ABL1: variants seen among roughly 807,000 people sequenced by gnomAD.
The protein encoded by ABL1 is ABL proto-oncogene 1, non-receptor tyrosine kinase.
ABL1 carries 11 observed loss-of-function variants against 94.7 expected under a neutral mutation model. The observed-to-expected ratio is 0.12, with a 90% CI of 0.07 to 0.19. ABL1 has a LOEUF of 0.19. Among genes scored for constraint, ABL1 ranks in the 10% least tolerant of loss-of-function variants. The pLI, the probability that ABL1 is intolerant of heterozygous loss-of-function variation, is 1.00. For synonymous variants in ABL1, 656 were observed against 622.4 expected (o/e 1.05, Z -0.80); for missense variants, 1,082 against 1,489.4 (o/e 0.73, Z 4.50).
At chr9:130,851,226 C>G (rs1453913517) in intron 1 of ABL1, among the ~76,000 whole-genome samples, 1 of 152,038 alleles carries the variant, frequency 6.6e-6, no homozygotes, top group Admixed American at 6.6e-5. Flanking sequence ...ACTTTTAGAG[C>G]CAATGTAAAT....
chr9:130,768,271 A>T (rs932860213), intron 1 of ABL1, among the ~76,000 whole-genome samples: 11 of 152,304 alleles, frequency 7.2e-5, no homozygotes, highest in Admixed American at 2.0e-4. Context: ...TACATTTGTG[A>T]ATTTGTAAAA....
chr9:130,878,562 G>A lies in ABL1; in HGVS notation c.1418G>A (p.Arg473Gln), dbSNP rs62638716. The A allele has an allele frequency of 5.1e-4, 817 of 1,614,130 alleles. 3 individuals are homozygous for A. In the African/African-American group the frequency reaches 9.6e-3, roughly 19 times the overall value. ...CCAGAGAAGGTCTATGAACTCATGC[G>A]AGCATGTAAGCCTTCCTCAGCCTGT... Reference protein sequence around the residue: ...GCPEKVYELMRACWQWNPSDR... With the variant: ...GCPEKVYELMQACWQWNPSDR... The change falls in exon 8 of 11, where the codon CGA becomes CAA. Residue 473 changes from arginine to glutamine, a missense_variant. This residue lies in a region of ABL1 where 76 missense variants were observed against 177.1 expected (regional missense o/e 0.43). Coordinates refer to ENST00000318560, the MANE Select transcript of ABL1 (RefSeq NM_005157.6).
Position 130,885,605 on chromosome 9 carries a change from C to T in ABL1, c.3315C>T (p.Gly1105=). The T allele has an allele frequency of 6.2e-7, 1 of 1,613,580 alleles. No homozygotes were observed. The highest frequency in any genetic ancestry group is 8.5e-7 in the Non-Finnish European group (1 of 1,179,900). ...TTCAGATCTGCCCGGCGACAGCAGG[C>T]AGTGGTCCAGCGGCCACTCAGGACT... ...RELQICPATA[G]SGPAATQDFS... The change falls in exon 11 of 11, where the codon GGC becomes GGT. Residue 1105 remains glycine, a synonymous_variant. Transcript: ENST00000318560.
Position 130,885,068 on chromosome 9 carries a change from A to G in ABL1, c.2778A>G (p.Ala926=). The change falls in exon 11 of 11, where the codon GCA becomes GCG. Residue 926 remains alanine, a synonymous_variant. Transcript: ENST00000318560. ...QSPSQEAAGE[A]VLGAKTKATS... is the part of the protein sequence containing the mutation. ...CGAGCCAGGAGGCGGCCGGGGAGGC[A>G]GTCCTGGGCGCAAAGACAAAAGCCA... 1 of 1,609,536 alleles carries G rather than the reference A, an allele frequency of 6.2e-7. No individual in the cohort carries two copies. Among genetic ancestry groups the G allele is most frequent in the Non-Finnish European group, 8.5e-7 (1 of 1,177,934 alleles).
intron 1 of ABL1, among the ~76,000 whole-genome samples, chr9:130,752,282 AC>A (rs1831976069): frequency 6.6e-6 from 1 of 152,030 alleles, no homozygotes; most frequent in Non-Finnish European, 1.5e-5. Flanking sequence ...ATGTTATTTC[AC>A]TTCTGTAACC....
At chr9:130,770,636 T>TA (rs1402112596) in intron 1 of ABL1, among the ~76,000 whole-genome samples, 5 of 152,264 alleles carry the variant, frequency 3.3e-5, no homozygotes, top group African/African-American at 9.6e-5. Flanking sequence ...ATATAGTGCT[T>TA]ACTGTGTGCA....
rs537483584 is a variant in ABL1, at chr9:130,814,014, G to A, written c.137-40050G>A. On this transcript the variant is annotated intron_variant, in intron 1 of 10. Transcript: ENST00000372348. This position sits in a 1 kb window ranked among gnomAD's most constrained non-coding sequence, Gnocchi z 4.4. ...AAGAAAAAGCCAGTGTGGCCAGGCA[G>A]GGAGGCCCATGCCTGTAATCCCAGC... is the stretch of plus-strand genomic sequence containing the variant. 1.5e-4 allele frequency among the ~76,000 whole-genome samples: 23 copies of A among 152,206 alleles called. No homozygotes were observed. The Middle Eastern group carries it at 0.01, about 68-fold the overall frequency.
At chr9:130,777,488 C>G (rs909554669) in intron 1 of ABL1, among the ~76,000 whole-genome samples, 4 of 142,764 alleles carry the variant, frequency 2.8e-5, no homozygotes, top group Admixed American at 7.1e-5. Context: ...TTAGTACCTT[C>G]TAGACTATGA....
At chr9:130,795,460 G>A (rs975737768) in intron 1 of ABL1, among the ~76,000 whole-genome samples, 1 of 152,138 alleles carries the variant, frequency 6.6e-6, no homozygotes, top group Non-Finnish European at 1.5e-5. Context: ...ACTTCTGCTT[G>A]AAGTCATCAC....
chr9:130,727,527 C>CT (rs758783500), intron 1 of ABL1, among the ~76,000 whole-genome samples: 1 of 152,098 alleles, frequency 6.6e-6, no homozygotes, highest in African/African-American at 2.4e-5. Context: ...ATTTGGGAGG[C>CT]TGAGGTGGGT....
rs142718331 is a variant in ABL1, at chr9:130,761,750, A to G, written c.136+47295A>G. On this transcript the variant is annotated intron_variant, in intron 1 of 10. Coordinates refer to the ABL1 transcript ENST00000372348. The stretch of plus-strand genomic sequence containing the variant: ...ATTTCTTCAAATTTTGTTTTTTAGT[A>G]TACAGGAAAGTTACAGGTTTTTTTT... Among the ~76,000 whole-genome samples the G allele has an allele frequency of 8.0e-3, 1,219 of 152,336 alleles. 14 individuals are homozygous for G. The highest frequency in any genetic ancestry group is 0.027 in the African/African-American group (1,138 of 41,576).
intron 1 of ABL1, among the ~76,000 whole-genome samples, chr9:130,843,757 G>C (rs753385792): frequency 2.0e-5 from 3 of 152,094 alleles, no homozygotes; most frequent in Non-Finnish European, 4.4e-5. Flanking sequence ...AGAGTAAATG[G>C]CACTTGTCAC....
chr9:130,730,176 T>G (rs1347498217), intron 1 of ABL1, among the ~76,000 whole-genome samples: 1 of 151,790 alleles, frequency 6.6e-6, no homozygotes, highest in Non-Finnish European at 1.5e-5. Flanking sequence ...CCCGAGTAGC[T>G]GGAATATGGA....
At position 130,886,179 on chromosome 9, in the gene ABL1, G is replaced by C; in HGVS notation, c.*496G>C. On this transcript the variant is annotated 3_prime_UTR_variant, in exon 11 of 11. Coordinates refer to ENST00000318560, the MANE Select transcript of ABL1 (RefSeq NM_005157.6). The stretch of plus-strand genomic sequence containing the variant: ...CTGGCCTTGCCCGTCGTGTGCTGAA[G>C]ACATGTTTCAAGAACCGCATTTCGG... The C allele has an allele frequency of 4.1e-6, 1 of 241,862 alleles. No homozygotes were observed. The allele number at this position is 241,862 out of a possible 1,614,324, so 15.0% of individuals were successfully genotyped here. A position where few individuals can be genotyped will look rare whatever the true frequency, so the allele number is the denominator to read the frequency against.
At chr9:130,715,237 C>G (rs779017480) in intron 1 of ABL1, among the ~76,000 whole-genome samples, 1 of 152,118 alleles carries the variant, frequency 6.6e-6, no homozygotes, top group African/African-American at 2.4e-5. Flanking sequence ...AGCTAAGGGT[C>G]GGCTTACACT....
intron 3 of ABL1, among the ~76,000 whole-genome samples, chr9:130,860,203 A>G (rs1831050267): frequency 6.6e-6 from 1 of 152,194 alleles, no homozygotes; most frequent in Non-Finnish European, 1.5e-5. Flanking sequence ...AACTAATCAG[A>G]AGGAAGCACC....
intron 1 of ABL1, among the ~76,000 whole-genome samples, chr9:130,734,588 C>G (rs1036668199): frequency 1.4e-5 from 2 of 147,950 alleles, no homozygotes; most frequent in African/African-American, 5.0e-5. Context: ...CTGGCATGAT[C>G]TTGGCTCACT....
chr9:130,734,736 G>T (rs575467256), intron 1 of ABL1, among the ~76,000 whole-genome samples: 1 of 151,620 alleles, frequency 6.6e-6, no homozygotes, highest in South Asian at 2.1e-4. Flanking sequence ...TGGCTAGGTT[G>T]GTCTTGAATT....
Position 130,854,045 on chromosome 9 carries a change from T to TC in ABL1, c.80-13dup. The TC allele has an allele frequency of 6.4e-7, 1 of 1,569,834 alleles. No homozygotes were observed. The highest frequency in any genetic ancestry group is 8.6e-7 in the Non-Finnish European group (1 of 1,160,764). On this transcript the variant is annotated intron_variant, in intron 1 of 10. Coordinates refer to ENST00000318560, the MANE Select transcript of ABL1 (RefSeq NM_005157.6). ...TTCTCTTCCTTTTTCTTTTTTCTGT[T>TC]CCCCCCTTTCTCTTCCAGAAGCCCT...
Sources: allele counts gnomAD v4.1 joint callset (sites outside exome capture counted in the v4.1 genomes callset), GRCh38; gene constraint gnomAD v4.1.1; regional missense constraint gnomAD v4.1.1; non-coding constraint Gnocchi (gnomAD v3.1); transcripts MANE v1.5; gene names NCBI Gene and HGNC (gene_info 2026-07-23, HGNC 2026-07-21).